TENM4: variants seen among roughly 807,000 people sequenced by gnomAD.
The protein encoded by TENM4 is teneurin transmembrane protein 4, also known as teneurin-4.
Under a neutral mutation model 243.3 loss-of-function variants are expected in TENM4, and 82 were observed. The observed-to-expected ratio is 0.34, with a 90% CI of 0.28 to 0.40. The LOEUF (loss-of-function observed/expected upper bound fraction) is 0.40. Ranked by LOEUF, TENM4 falls within the 10% of genes least tolerant of loss-of-function variation. The pLI is 1.00. For synonymous variants in TENM4, 1,412 were observed against 1,456.3 expected (o/e 0.97, Z 0.69); for missense variants, 3,138 against 3,673.3 (o/e 0.85, Z 3.77).
At chr11:78,766,418 A>G (rs1337685665) in intron 18 of TENM4, among the ~76,000 whole-genome samples, 1 of 152,216 alleles carries the variant, frequency 6.6e-6, no homozygotes, top group East Asian at 1.9e-4. Context: ...TCTGTACCTA[A>G]TAAGGGGCTT....
At chr11:79,407,207 A>T (rs1186670198) in intron 1 of TENM4, among the ~76,000 whole-genome samples, 1 of 152,226 alleles carries the variant, frequency 6.6e-6, no homozygotes, top group Non-Finnish European at 1.5e-5. Flanking sequence ...TACTCTGATC[A>T]TTCTACTTAC....
intron 1 of TENM4, among the ~76,000 whole-genome samples, chr11:79,435,543 T>C (rs984588450): frequency 4.6e-5 from 7 of 152,214 alleles, no homozygotes; most frequent in African/African-American, 1.7e-4. Flanking sequence ...TGGAATCAAA[T>C]CTGCAAGGAG....
chr11:78,993,082 T>C (rs530516123), intron 6 of TENM4, among the ~76,000 whole-genome samples: 1 of 152,298 alleles, frequency 6.6e-6, no homozygotes, highest in East Asian at 1.9e-4. Context: ...GAACAGCTAC[T>C]ATTGGCAACA....
chr11:79,205,308 C>G (rs1457230542), intron 3 of TENM4, among the ~76,000 whole-genome samples: 1 of 152,086 alleles, frequency 6.6e-6, no homozygotes, highest in African/African-American at 2.4e-5. Flanking sequence ...TACAGTCTAC[C>G]AATCATATTC....
At chr11:79,005,954 C>T (rs1405385290) in intron 6 of TENM4, among the ~76,000 whole-genome samples, 1 of 152,244 alleles carries the variant, frequency 6.6e-6, no homozygotes, top group South Asian at 2.1e-4. Flanking sequence ...ACTAACAATG[C>T]CTAAGCTGAG....
intron 16 of TENM4, among the ~76,000 whole-genome samples, chr11:78,779,444 T>C (rs981846011): frequency 3.3e-5 from 5 of 152,236 alleles, no homozygotes; most frequent in African/African-American, 9.6e-5. Flanking sequence ...CTTGAGTTAT[T>C]TGGCCTTCTA....
chr11:79,183,654 C>T (rs1565239547), intron 3 of TENM4, among the ~76,000 whole-genome samples: 1 of 152,240 alleles, frequency 6.6e-6, no homozygotes, highest in East Asian at 1.9e-4. Context: ...GCACAGAAGA[C>T]ACAAGGGGAC....
chr11:79,134,264 A>T (rs1013071364), intron 4 of TENM4, among the ~76,000 whole-genome samples: 5 of 152,174 alleles, frequency 3.3e-5, no homozygotes, highest in African/African-American at 1.2e-4. Context: ...CAAAAAAATA[A>T]CATACTTAGG....
chr11:78,968,177 C>T (rs559772959), intron 6 of TENM4, among the ~76,000 whole-genome samples: 1 of 152,364 alleles, frequency 6.6e-6, no homozygotes, highest in South Asian at 2.1e-4. Flanking sequence ...GACACACATG[C>T]TCTCCCTTTG....
intron 4 of TENM4, among the ~76,000 whole-genome samples, chr11:79,106,682 A>G (rs1861377667): frequency 6.6e-6 from 1 of 152,158 alleles, no homozygotes; most frequent in African/African-American, 2.4e-5. Flanking sequence ...CACTTTACAG[A>G]TGGGAAAACC....
intron 1 of TENM4, among the ~76,000 whole-genome samples, chr11:79,391,956 C>T (rs551101): frequency 0.42 from 64,412 of 151,696 alleles, 13,643 homozygotes; most frequent in Non-Finnish European, 0.46. Context: ...TTTTTATTTC[C>T]CTTTGAAAAA....
chr11:79,306,475 G>C (rs529003491), intron 1 of TENM4, among the ~76,000 whole-genome samples: 304 of 152,248 alleles, frequency 2.0e-3, no homozygotes, highest in Non-Finnish European at 4.0e-3. Context: ...TGTTGCCTGT[G>C]GTGGCTAGAC....
intron 3 of TENM4, among the ~76,000 whole-genome samples, chr11:79,167,142 A>G (rs1862932520): frequency 6.6e-6 from 1 of 152,254 alleles, no homozygotes; most frequent in Non-Finnish European, 1.5e-5. Flanking sequence ...CAGAGTTACC[A>G]AAGCCCAGGC....
At chr11:79,316,652 T>C (rs1311796854) in intron 1 of TENM4, among the ~76,000 whole-genome samples, 1 of 152,248 alleles carries the variant, frequency 6.6e-6, no homozygotes, top group Non-Finnish European at 1.5e-5. Context: ...TTTCATATAC[T>C]GAGAATTCCC....
intron 6 of TENM4, chr11:79,014,803 A>G (rs635993): frequency 0.55 from 83,745 of 152,076 alleles, 23,832 homozygotes; most frequent in African/African-American, 0.62. Context: ...AATCTACCAC[A>G]CCTGTAGCCT....
intron 19 of TENM4, among the ~76,000 whole-genome samples, chr11:78,742,608 A>G (rs1389720122): frequency 6.6e-6 from 1 of 152,216 alleles, no homozygotes; most frequent in Non-Finnish European, 1.5e-5. Context: ...CAGTTAGGCT[A>G]GGTGAACTCT....
chr11:78,935,913 G>A (rs1422885234), intron 6 of TENM4, among the ~76,000 whole-genome samples: 1 of 152,206 alleles, frequency 6.6e-6, no homozygotes. Context: ...CAGTGTCCCT[G>A]AGCTAGCATT....
At chr11:79,402,191 A>G (rs921160647) in intron 1 of TENM4, 17 of 242,904 alleles carry the variant, frequency 7.0e-5, no homozygotes, top group Non-Finnish European at 3.1e-5. Flanking sequence ...GTCAGGCTTC[A>G]GGAATTTAGG....
intron 4 of TENM4, among the ~76,000 whole-genome samples, chr11:79,146,491 C>A (rs941843565): frequency 1.3e-5 from 2 of 152,012 alleles, no homozygotes; most frequent in Admixed American, 1.3e-4. Context: ...TGAAATTAGC[C>A]CTTTCAACAG....
Sources: gnomAD v4.1 joint callset for allele counts (sites outside exome capture counted in the v4.1 genomes callset) on GRCh38, gnomAD v4.1.1 for gene constraint, MANE v1.5 for transcripts, NCBI Gene and HGNC (gene_info 2026-07-23, HGNC 2026-07-21) for gene names.